Variants in IP6K1 observed in about 807,000 individuals in gnomAD.
The protein encoded by IP6K1 is ATP:1D-myo-inositol-hexakisphosphate phosphotransferase.
IP6K1 carries 13 observed loss-of-function variants against 38.3 expected under a neutral mutation model. The ratio of observed to expected loss-of-function variants is 0.34; its 90% CI spans 0.22 to 0.54. The LOEUF (loss-of-function observed/expected upper bound fraction) is 0.54. IP6K1 is among the 20% of genes least tolerant of loss of function. The pLI is 0.92. For synonymous variants in IP6K1, 212 were observed against 229.9 expected (o/e 0.92, Z 0.70); for missense variants, 397 against 599.8 (o/e 0.66, Z 3.53).
At chr3:49,731,907 G>GAAAAAAAA (rs1277207284) in intron 4 of IP6K1, among the ~76,000 whole-genome samples, 4 of 69,082 alleles carry the variant, frequency 5.8e-5, no homozygotes, top group Admixed American at 1.8e-4. Flanking sequence ...AAAAAAAAAG[G>GAAAAAAAA]AATTCCTATG....
intron 1 of IP6K1, among the ~76,000 whole-genome samples, chr3:49,754,183 A>G (rs1232457602): frequency 6.7e-6 from 1 of 149,950 alleles, no homozygotes; most frequent in Non-Finnish European, 1.5e-5. Context: ...CATAGGCAAC[A>G]TGGCAAAACT....
At position 49,747,963 on chromosome 3, in the gene IP6K1, CAGG is replaced by C; in HGVS notation, c.75_77del (p.Leu26del). ...CGCCTACTTGGTGGATGAAGGGCTCCAGGAGGACTCCCCGGTCTCCAGCCCGAC... is the reference window on the plus strand; with the variant it reads ...CGCCTACTTGGTGGATGAAGGGCTCCAGGACTCCCCGGTCTCCAGCCCGAC... On this transcript the variant is annotated inframe_deletion, in exon 2 of 6. Coordinates refer to ENST00000321599, the MANE Select transcript of IP6K1 (RefSeq NM_153273.4). 2 of 1,614,184 alleles carry C rather than the reference CAGG, an allele frequency of 1.2e-6. No individual in the cohort carries two copies. The highest frequency in any genetic ancestry group is 8.5e-7 in the Non-Finnish European group (1 of 1,180,048).
intron 2 of IP6K1, among the ~76,000 whole-genome samples, chr3:49,744,108 A>C (rs1480663849): frequency 6.6e-6 from 1 of 151,864 alleles, no homozygotes; most frequent in East Asian, 1.9e-4. Flanking sequence ...TAATCAAAAT[A>C]AATCAGAATT....
At chr3:49,777,069 T>C (rs992477226) in intron 1 of IP6K1, among the ~76,000 whole-genome samples, 3 of 151,920 alleles carry the variant, frequency 2.0e-5, no homozygotes, top group African/African-American at 4.8e-5. Context: ...ACCCCATCTC[T>C]ACTAAAAAAA....
chr3:49,728,713 T>C (rs1036401697), intron 4 of IP6K1, among the ~76,000 whole-genome samples: 1 of 151,690 alleles, frequency 6.6e-6, no homozygotes, highest in South Asian at 2.1e-4. Flanking sequence ...GTAGCTGAGA[T>C]TACAGGTGCC....
intron 1 of IP6K1, among the ~76,000 whole-genome samples, chr3:49,774,863 C>T (rs531580435): frequency 6.6e-6 from 1 of 151,760 alleles, no homozygotes; most frequent in Non-Finnish European, 1.5e-5. Context: ...TCCTGTAGGC[C>T]TCTGGTCATA....
At chr3:49,777,549 C>T (rs922189831) in intron 1 of IP6K1, among the ~76,000 whole-genome samples, 1 of 149,436 alleles carries the variant, frequency 6.7e-6, no homozygotes, top group Non-Finnish European at 1.5e-5. Flanking sequence ...TGAGACAGAG[C>T]GAGACTCTAT....
chr3:49,772,534 C>G (rs2080969665), intron 1 of IP6K1, among the ~76,000 whole-genome samples: 6 of 151,868 alleles, frequency 4.0e-5, no homozygotes, highest in Admixed American at 3.9e-4. Flanking sequence ...TCTCTAGTAG[C>G]TGGGACTATA....
At chr3:49,747,369 G>C (rs773930437) in intron 2 of IP6K1, among the ~76,000 whole-genome samples, 2 of 152,056 alleles carry the variant, frequency 1.3e-5, no homozygotes, top group Non-Finnish European at 2.9e-5. Flanking sequence ...AGGACTTCCA[G>C]GCCCCAGAAA....
chr3:49,774,818 G>A (rs1223904913), intron 1 of IP6K1, among the ~76,000 whole-genome samples: 1 of 151,902 alleles, frequency 6.6e-6, no homozygotes, highest in Admixed American at 6.6e-5. Context: ...ATTGAATACT[G>A]AGTCACTGCA....
chr3:49,772,685 G>A (rs569089245), intron 1 of IP6K1, among the ~76,000 whole-genome samples: 1 of 151,570 alleles, frequency 6.6e-6, no homozygotes, highest in South Asian at 2.1e-4. Flanking sequence ...TTACAGGCAT[G>A]AGCCACCACA....
chr3:49,773,699 T>C (rs1269246964), intron 1 of IP6K1, among the ~76,000 whole-genome samples: 1 of 152,200 alleles, frequency 6.6e-6, no homozygotes, highest in Non-Finnish European at 1.5e-5. Flanking sequence ...TAATATTCAT[T>C]ATATTTTCTA....
At chr3:49,738,958 G>C (rs752430546) in intron 2 of IP6K1, among the ~76,000 whole-genome samples, 1 of 152,114 alleles carries the variant, frequency 6.6e-6, no homozygotes, top group Non-Finnish European at 1.5e-5. Flanking sequence ...CTGGCATCTC[G>C]AAGATAAAAC....
At chr3:49,731,670 T>A (rs1351606165) in intron 4 of IP6K1, among the ~76,000 whole-genome samples, 1 of 152,086 alleles carries the variant, frequency 6.6e-6, no homozygotes, top group Non-Finnish European at 1.5e-5. Context: ...TTCCCTCAGT[T>A]TCTTAGAATA....
chr3:49,774,055 C>G (rs959602496), intron 1 of IP6K1, among the ~76,000 whole-genome samples: 9 of 151,296 alleles, frequency 5.9e-5, no homozygotes, highest in African/African-American at 2.2e-4. Context: ...ACCACCAAAC[C>G]AATTTTTTGT....
rs939103401 is a variant in IP6K1, at chr3:49,724,316, T to G, written c.*2806A>C. ...GCCTCCGTTTCTAGCGGCTTTATTTTTGACATACACGACCTCAGACACAAG... is the reference window on the plus strand; with the variant it reads ...GCCTCCGTTTCTAGCGGCTTTATTTGTGACATACACGACCTCAGACACAAG... On this transcript the variant is annotated 3_prime_UTR_variant, in exon 6 of 6. Transcript: ENST00000321599. The G allele has an allele frequency of 6.6e-6, 1 of 152,404 alleles. No individual in the cohort carries two copies. The highest frequency in any genetic ancestry group is 2.4e-5 in the African/African-American group (1 of 41,466). 9.4% of individuals were successfully genotyped at this position (152,404 alleles called of 1,614,324 possible).
At chr3:49,752,161 T>C (rs946905426) in intron 1 of IP6K1, among the ~76,000 whole-genome samples, 3 of 151,958 alleles carry the variant, frequency 2.0e-5, no homozygotes, top group South Asian at 4.2e-4. Flanking sequence ...ATATTCACCA[T>C]GCCCGGCTAA....
intron 1 of IP6K1, among the ~76,000 whole-genome samples, chr3:49,751,359 A>AC (rs1313303599): frequency 2.0e-5 from 3 of 152,004 alleles, no homozygotes; most frequent in African/African-American, 7.3e-5. Flanking sequence ...ACGGGGTTTC[A>AC]CCATGTTGGC....
At chr3:49,767,390 C>G (rs1454829730) in intron 1 of IP6K1, among the ~76,000 whole-genome samples, 1 of 151,978 alleles carries the variant, frequency 6.6e-6, no homozygotes, top group Non-Finnish European at 1.5e-5. Flanking sequence ...ACAAGCCTGG[C>G]TAACATGGTG....
Sources: allele counts gnomAD v4.1 joint callset (sites outside exome capture counted in the v4.1 genomes callset), GRCh38; gene constraint gnomAD v4.1.1; transcripts MANE v1.5; gene names NCBI Gene and HGNC (gene_info 2026-07-23, HGNC 2026-07-21).